COL19A1: variants seen among roughly 807,000 people sequenced by gnomAD.
COL19A1 encodes collagen type XIX alpha 1 chain.
COL19A1 carries 159 observed loss-of-function variants against 190.2 expected under a neutral mutation model. The ratio of observed to expected loss-of-function variants is 0.84; its 90% confidence interval spans 0.73 to 0.95. The LOEUF (loss-of-function observed/expected upper bound fraction) is 0.95, where lower values mean the gene tolerates loss of function less well. COL19A1 is among the 40% of genes least tolerant of loss of function. The pLI is 0.00. For synonymous variants in COL19A1, 509 were observed against 458.9 expected (o/e 1.11, Z -1.39); for missense variants, 1,418 against 1,431.9 (o/e 0.99, Z 0.16).
intron 14 of COL19A1, among the ~76,000 whole-genome samples, chr6:70,067,401 C>A (rs1781303353): frequency 6.6e-6 from 1 of 152,074 alleles, no homozygotes; most frequent in Admixed American, 6.6e-5. Context: ...TTCTAGATTT[C>A]TGGCATGAGC....
chr6:69,994,909 C>G (rs572670562), intron 11 of COL19A1, among the ~76,000 whole-genome samples: 5 of 152,106 alleles, frequency 3.3e-5, no homozygotes, highest in Admixed American at 6.6e-5. Context: ...CCACGGTGTC[C>G]CCACATCCTC....
At chr6:69,914,013 T>C (rs1166697937) in intron 4 of COL19A1, among the ~76,000 whole-genome samples, 1 of 151,956 alleles carries the variant, frequency 6.6e-6, no homozygotes, top group Non-Finnish European at 1.5e-5. Context: ...TAACCTTCAA[T>C]GTATCCTCAT....
intron 14 of COL19A1, among the ~76,000 whole-genome samples, chr6:70,048,829 G>T (rs915408915): frequency 2.6e-5 from 4 of 151,878 alleles, no homozygotes; most frequent in Admixed American, 6.6e-5. Flanking sequence ...GAATAGAATT[G>T]AATTAAACTA....
At chr6:70,109,187 T>C (rs75209831) in intron 16 of COL19A1, among the ~76,000 whole-genome samples, 5,851 of 152,148 alleles carry the variant, frequency 0.038, 150 homozygotes, top group Non-Finnish European at 0.06. Context: ...ATAAACTGGG[T>C]AATGTGATAA....
chr6:70,060,055 C>T (rs943840394), intron 14 of COL19A1, among the ~76,000 whole-genome samples: 1 of 151,970 alleles, frequency 6.6e-6, no homozygotes, highest in African/African-American at 2.4e-5. Context: ...GAATAAGTTC[C>T]ACAACAGAGA....
chr6:70,092,519 T>C (rs1782995493), intron 15 of COL19A1, among the ~76,000 whole-genome samples: 2 of 152,202 alleles, frequency 1.3e-5, no homozygotes, highest in South Asian at 2.1e-4. Flanking sequence ...AGGGTTTTTT[T>C]CTGAAATCAG....
chr6:69,983,459 A>T (rs377192656), intron 11 of COL19A1, among the ~76,000 whole-genome samples: 9 of 151,866 alleles, frequency 5.9e-5, no homozygotes, highest in African/African-American at 2.2e-4. Context: ...TATTTCTTGG[A>T]TTTTTTTTCT....
At chr6:70,178,398 C>T (rs1765948493) in intron 42 of COL19A1, among the ~76,000 whole-genome samples, 1 of 152,038 alleles carries the variant, frequency 6.6e-6, no homozygotes, top group African/African-American at 2.4e-5. Flanking sequence ...AAAATAAAAG[C>T]ACTGACTGAC....
Position 70,102,179 on chromosome 6 carries a change from G to T in COL19A1, c.1235G>T (p.Gly412Val), listed in dbSNP as rs1783673041. The T allele has an allele frequency of 1.9e-6, 3 of 1,612,398 alleles. No individual in the cohort carries two copies. The highest frequency in any genetic ancestry group is 2.5e-6 in the Non-Finnish European group (3 of 1,178,696). ...PGKEGQRGRR[G>V]KTGPPGKPGP... ...TTCTTTGGTTTCAAGGGAAGACGAGGGAAAACAGGACCTCCCGGAAAACCA... is the reference window on the plus strand; with the variant it reads ...TTCTTTGGTTTCAAGGGAAGACGAGTGAAAACAGGACCTCCCGGAAAACCA... The change falls in exon 16 of 51, where the codon GGG (glycine) becomes GTG (valine). Residue 412 changes from glycine (G) to valine (V), a missense_variant. Coordinates refer to ENST00000620364, the MANE Select transcript of COL19A1 (RefSeq NM_001858.6).
At position 69,942,780 on chromosome 6, in the gene COL19A1, T is replaced by A. The variant is rs1309190201; in HGVS notation, c.936+4680T>A. Reference sequence around the variant, plus strand: ...TGTGTGTGTGTGTGTGTATAAAACATTTTCTTTATCCATTTATTAATTGAT... The same window carrying A: ...TGTGTGTGTGTGTGTGTATAAAACAATTTCTTTATCCATTTATTAATTGAT... On this transcript the variant is annotated intron_variant, in intron 9 of 50. Coordinates refer to ENST00000620364, the MANE Select transcript of COL19A1 (RefSeq NM_001858.6). Among the ~76,000 whole-genome samples, 7 of 140,424 alleles carry A rather than the reference T, an allele frequency of 5.0e-5. 1 individual carries two copies. The South Asian group carries it at 1.6e-3, about 32-fold the overall frequency. The allele number at this position is 140,424 out of a possible 152,430, so 92.1% of individuals were successfully genotyped here.
intron 12 of COL19A1, among the ~76,000 whole-genome samples, chr6:70,028,711 A>C (rs940723034): frequency 2.0e-5 from 3 of 152,112 alleles, no homozygotes; most frequent in African/African-American, 4.8e-5. Flanking sequence ...CTTTTAATTC[A>C]AAAGTACTCA....
intron 16 of COL19A1, among the ~76,000 whole-genome samples, chr6:70,111,776 A>G (rs923177376): frequency 6.6e-6 from 1 of 152,168 alleles, no homozygotes; most frequent in African/African-American, 2.4e-5. Context: ...TCATTTGTAG[A>G]TTTATCATTA....
chr6:70,133,985 A>G (rs902806172), intron 18 of COL19A1, among the ~76,000 whole-genome samples: 13 of 152,096 alleles, frequency 8.5e-5, no homozygotes, highest in African/African-American at 3.1e-4. Context: ...TTATTTCACC[A>G]TGTACATTGT....
intron 11 of COL19A1, among the ~76,000 whole-genome samples, chr6:69,965,667 A>G (rs571690007): frequency 6.6e-6 from 1 of 152,216 alleles, no homozygotes; most frequent in African/African-American, 2.4e-5. Flanking sequence ...AAGTTATTTT[A>G]AGGGGTAGTA....
At position 70,176,399 on chromosome 6, in the gene COL19A1, A is replaced by C. The variant is rs1478372771; in HGVS notation, c.2623-121A>C. On this transcript the variant is annotated intron_variant, in intron 41 of 50. Coordinates refer to ENST00000620364, the MANE Select transcript of COL19A1 (RefSeq NM_001858.6). ...ACTAGCTTCACCCCATCTAATATCA[A>C]TAACACTTATCAGATCCAAAGGAAA... The C allele has an allele frequency of 3.1e-6, 3 of 955,028 alleles. No individual in the cohort carries two copies. In the African/African-American group the frequency reaches 5.0e-5, roughly 16 times the overall value. 59.2% of individuals were successfully genotyped at this position (955,028 alleles called of 1,614,324 possible). A position where few individuals can be genotyped will look rare whatever the true frequency, so the allele number is the denominator to read the frequency against.
intron 11 of COL19A1, among the ~76,000 whole-genome samples, chr6:69,981,693 ATG>A (rs1582595809): frequency 1.3e-5 from 2 of 151,928 alleles, no homozygotes; most frequent in East Asian, 1.9e-4. Flanking sequence ...TAAATTTTGT[ATG>A]TGTTTTATAT....
At chr6:70,185,303 G>T (rs1766439333) in intron 46 of COL19A1, among the ~76,000 whole-genome samples, 1 of 152,166 alleles carries the variant, frequency 6.6e-6, no homozygotes, top group South Asian at 2.1e-4. Flanking sequence ...TTTGGGAATT[G>T]TAAAATGCTT....
At chr6:70,188,038 A>G (rs1766634365) in intron 46 of COL19A1, 37 bp from the exon 47 acceptor site, 2 of 1,610,496 alleles carry the variant, frequency 1.2e-6, no homozygotes, top group Non-Finnish European at 1.7e-6. Context: ...CTGATGCTAG[A>G]AGAGATTATT....
At chr6:70,137,912 TACATGTATTTAC>T (rs1381681181) in intron 19 of COL19A1, among the ~76,000 whole-genome samples, 165 bp downstream of exon 19, 1 of 152,176 alleles carries the variant, frequency 6.6e-6, no homozygotes, top group Non-Finnish European at 1.5e-5. Context: ...CTAAGTCTCT[TACATGTATTTAC>T]ACACTTAATC....
Sources: allele counts gnomAD v4.1 joint callset (sites outside exome capture counted in the v4.1 genomes callset), GRCh38; gene constraint gnomAD v4.1.1; transcripts MANE v1.5; gene names NCBI Gene and HGNC (gene_info 2026-07-23, HGNC 2026-07-21).